Variants in SGCZ observed in about 807,000 individuals in gnomAD.
SGCZ encodes zeta-sarcoglycan.
Under a neutral mutation model 41.3 loss-of-function variants are expected in SGCZ, and 40 were observed. That is an observed-to-expected ratio of 0.97 (90% CI 0.75 to 1.26). The LOEUF (loss-of-function observed/expected upper bound fraction) is 1.26. Among genes scored for constraint, SGCZ ranks in the 50% most tolerant of loss-of-function variants. The pLI, the probability that SGCZ is intolerant of heterozygous loss-of-function variation, is 0.00. For synonymous variants in SGCZ, 206 were observed against 137.5 expected (o/e 1.50, Z -3.49); for missense variants, 552 against 369.8 (o/e 1.49, Z -4.04).
intron 2 of SGCZ, among the ~76,000 whole-genome samples, chr8:14,509,859 G>A (rs1185892328): frequency 2.0e-5 from 3 of 152,028 alleles, no homozygotes; most frequent in Non-Finnish European, 2.9e-5. Flanking sequence ...GTGGGGAAGA[G>A]CCCCTTATAA....
chr8:14,655,560 T>C (rs778060660), intron 1 of SGCZ, among the ~76,000 whole-genome samples: 3 of 151,900 alleles, frequency 2.0e-5, no homozygotes, highest in Non-Finnish European at 2.9e-5. Flanking sequence ...TTAAACTTTT[T>C]ATTTTGAGAT....
At chr8:14,838,137 T>C (rs566658878) in intron 1 of SGCZ, among the ~76,000 whole-genome samples, 1 of 151,552 alleles carries the variant, frequency 6.6e-6, no homozygotes, top group African/African-American at 2.4e-5. Context: ...ATAGAGAGAG[T>C]AGAATGATGG....
In SGCZ at chr8:14,879,653, G is replaced by T. The variant is rs368831172; in HGVS notation, c.40-324727C>A. ...GCTTCATTAGTAACAGTTCCTCGTT[G>T]TTTCACTGGTGATACTTTCAATAAG... On this transcript the variant is annotated intron_variant, in intron 1 of 7. Coordinates refer to ENST00000382080, the MANE Select transcript of SGCZ (RefSeq NM_139167.4). The T allele has an allele frequency of 4.9e-3, 748 of 151,476 alleles. 4 individuals carry two copies. The highest frequency in any genetic ancestry group is 0.018 in the South Asian group (86 of 4,796). The allele number at this position is 151,476 out of a possible 1,614,324, so 9.4% of individuals were successfully genotyped here. A position where few individuals can be genotyped will look rare whatever the true frequency, so the allele number is the denominator to read the frequency against.
At chr8:14,360,905 C>T (rs1455227160) in intron 2 of SGCZ, among the ~76,000 whole-genome samples, 1 of 152,054 alleles carries the variant, frequency 6.6e-6, no homozygotes, top group Non-Finnish European at 1.5e-5. Flanking sequence ...ACATTCTCAC[C>T]AACAAGGGAC....
intron 4 of SGCZ, among the ~76,000 whole-genome samples, chr8:14,205,975 A>T (rs1226628232): frequency 6.6e-6 from 1 of 152,142 alleles, no homozygotes; most frequent in African/African-American, 2.4e-5. Context: ...AGTTGACCAG[A>T]TTTAACTAAA....
At chr8:14,880,561 C>T (rs1467779225) in intron 1 of SGCZ, among the ~76,000 whole-genome samples, 1 of 152,080 alleles carries the variant, frequency 6.6e-6, no homozygotes, top group Non-Finnish European at 1.5e-5. Context: ...CCCAAATGTC[C>T]AATGATGATA....
At chr8:14,460,557 C>G (rs956008556) in intron 2 of SGCZ, among the ~76,000 whole-genome samples, 1 of 152,064 alleles carries the variant, frequency 6.6e-6, no homozygotes, top group Non-Finnish European at 1.5e-5. Context: ...ATGCAAATAG[C>G]TCTTCAGGGC....
intron 1 of SGCZ, among the ~76,000 whole-genome samples, chr8:14,884,719 TAA>T (rs1286731706): frequency 2.0e-5 from 3 of 152,146 alleles, no homozygotes; most frequent in Non-Finnish European, 4.4e-5. Flanking sequence ...TATTTCACAA[TAA>T]GTCATCTATT....
At chr8:15,227,221 A>G (rs1801805175) in intron 1 of SGCZ, among the ~76,000 whole-genome samples, 1 of 152,230 alleles carries the variant, frequency 6.6e-6, no homozygotes, top group African/African-American at 2.4e-5. Flanking sequence ...GGGAATAGAA[A>G]AATACCATAG....
chr8:14,915,082 T>C (rs914114174), intron 1 of SGCZ, among the ~76,000 whole-genome samples: 1 of 152,174 alleles, frequency 6.6e-6, no homozygotes, highest in Non-Finnish European at 1.5e-5. Flanking sequence ...ATAACTCTCA[T>C]ACTGCTTTTT....
At chr8:14,394,138 C>CCG (rs1563300597) in intron 2 of SGCZ, among the ~76,000 whole-genome samples, 1 of 140,280 alleles carries the variant, frequency 7.1e-6, no homozygotes, top group African/African-American at 3.1e-5. Flanking sequence ...CCTACCGCCC[C>CCG]CCACCTTTTT....
intron 1 of SGCZ, among the ~76,000 whole-genome samples, chr8:14,907,748 CTA>C (rs1799162387): frequency 6.6e-6 from 1 of 152,124 alleles, no homozygotes; most frequent in African/African-American, 2.4e-5. Flanking sequence ...ACACTACAAC[CTA>C]TATAAGCTAC....
At chr8:14,305,448 G>A (rs752872603) in intron 3 of SGCZ, among the ~76,000 whole-genome samples, 26 of 152,022 alleles carry the variant, frequency 1.7e-4, no homozygotes, top group Non-Finnish European at 2.5e-4. Context: ...ATCTTCAAAA[G>A]CCATTCAAAA....
chr8:14,900,992 G>A (rs905414553), intron 1 of SGCZ, among the ~76,000 whole-genome samples: 1 of 152,136 alleles, frequency 6.6e-6, no homozygotes, highest in Non-Finnish European at 1.5e-5. Context: ...CTCAGGCTTT[G>A]AGGTTTGATA....
intron 3 of SGCZ, among the ~76,000 whole-genome samples, chr8:14,285,806 G>A (rs1800600566): frequency 6.6e-6 from 1 of 152,068 alleles, no homozygotes; most frequent in Non-Finnish European, 1.5e-5. Flanking sequence ...ATCAATATCA[G>A]TAAAGAGTGG....
chr8:14,166,056 G>C (rs956173475), intron 4 of SGCZ, among the ~76,000 whole-genome samples: 3 of 152,018 alleles, frequency 2.0e-5, no homozygotes, highest in Non-Finnish European at 2.9e-5. Flanking sequence ...AAAGCCATAT[G>C]TATTTTTTTT....
At chr8:15,026,199 G>C (rs1299259808) in intron 1 of SGCZ, among the ~76,000 whole-genome samples, 1 of 151,532 alleles carries the variant, frequency 6.6e-6, no homozygotes, top group Non-Finnish European at 1.5e-5. Flanking sequence ...GTTGGCCAAA[G>C]ATGAAGAAAA....
chr8:14,954,622 A>T (rs1328852855), intron 1 of SGCZ, among the ~76,000 whole-genome samples: 2 of 152,290 alleles, frequency 1.3e-5, no homozygotes, highest in Non-Finnish European at 2.9e-5. Context: ...AAGAAGAGGT[A>T]AGGGGCAATG....
rs562329488 is a variant in SGCZ, at chr8:14,649,274, GCTCA to G, written c.40-94352_40-94349del. Among the ~76,000 whole-genome samples the G allele has an allele frequency of 2.7e-3, 418 of 152,106 alleles. 2 individuals are homozygous for G. The highest frequency in any genetic ancestry group is 4.2e-3 in the Non-Finnish European group (285 of 68,010). On this transcript the variant is annotated intron_variant, in intron 1 of 7. Transcript: ENST00000382080. ...GATTTTATTTGTGAGGTAGAAATAC[GCTCA>G]CTGTGTGCAGACTCTTGAGCAACTA...
Sources: allele counts gnomAD v4.1 joint callset (sites outside exome capture counted in the v4.1 genomes callset), GRCh38; gene constraint gnomAD v4.1.1; transcripts MANE v1.5; gene names NCBI Gene and HGNC (gene_info 2026-07-23, HGNC 2026-07-21).